The following ZNF469 variants were observed in gnomAD, a reference collection of about 807,000 sequenced individuals.
The protein encoded by ZNF469 is zinc finger protein 469.
In ZNF469, 1 loss-of-function variant was observed where a neutral mutation model predicts 1.0. That is an observed-to-expected ratio of 1.00 (90% CI 0.35 to 4.73). The LOEUF (loss-of-function observed/expected upper bound fraction) is 4.73, where lower values mean the gene tolerates loss of function less well. ZNF469 is among the 30% of genes most tolerant of loss of function. ZNF469 has a pLI of 0.16. For synonymous variants in ZNF469, 2,703 were observed against 2,363.4 expected (o/e 1.14, Z -4.17); for missense variants, 6,100 against 5,356.3 (o/e 1.14, Z -4.33).
At chr16:88,198,599 G>A in the ZNF469 span, among the ~76,000 whole-genome samples, 2 of 152,224 alleles carry the variant, frequency 1.3e-5, no homozygotes, top group African/African-American at 2.4e-5. Flanking sequence ...CAGTGACAGG[G>A]CAGGCCCACC....
Position 88,438,967 on chromosome 16 carries a change from A to G in ZNF469, c.11497A>G (p.Ser3833Gly). The change falls in exon 3 of 3, where the codon AGC becomes GGC. Residue 3833 changes from serine to glycine, a missense_variant. Physicochemically the swap from Ser to Gly is moderately conservative, Grantham distance 56. Transcript: ENST00000565624. Reference protein sequence around the residue: ...PGPARSESVGSFGRAPSAPDK... With the variant: ...PGPARSESVGGFGRAPSAPDK... ...GCCAGCCAGGAGTGAAAGTGTGGGG[A>G]GCTTCGGGAGAGCCCCCTCAGCCCC... 6.4e-7 allele frequency: 1 copy of G among 1,550,466 alleles called. No individual in the cohort carries two copies. Among genetic ancestry groups the G allele is most frequent in the East Asian group, 2.4e-5 (1 of 40,910 alleles).
the ZNF469 span, among the ~76,000 whole-genome samples, chr16:88,184,484 C>T: frequency 6.6e-6 from 1 of 151,824 alleles, no homozygotes; most frequent in African/African-American, 2.4e-5. Flanking sequence ...TTCCTCTGCT[C>T]CTGGCGTTCG....
the ZNF469 span, among the ~76,000 whole-genome samples, chr16:88,357,629 G>A: frequency 6.6e-6 from 1 of 152,214 alleles, no homozygotes; most frequent in Non-Finnish European, 1.5e-5. Flanking sequence ...GGGGAAGAGG[G>A]GGGGCCCGGG....
At chr16:88,132,399 C>T in the ZNF469 span, among the ~76,000 whole-genome samples, 1 of 152,250 alleles carries the variant, frequency 6.6e-6, no homozygotes, top group African/African-American at 2.4e-5. Flanking sequence ...CCTGGGTGCT[C>T]AGCCCACCCA....
At chr16:88,179,900 G>T in the ZNF469 span, among the ~76,000 whole-genome samples, 1 of 152,218 alleles carries the variant, frequency 6.6e-6, no homozygotes, top group Non-Finnish European at 1.5e-5. Context: ...TTGCTGTCAG[G>T]TTACTACATG....
At chr16:88,120,084 A>G in the ZNF469 span, among the ~76,000 whole-genome samples, 1 of 152,068 alleles carries the variant, frequency 6.6e-6, no homozygotes, top group East Asian at 1.9e-4. Context: ...CACCGGGTAG[A>G]GTGTGCTGAG....
chr16:88,326,878 CAG>C, the ZNF469 span, among the ~76,000 whole-genome samples: 1 of 152,216 alleles, frequency 6.6e-6, no homozygotes, highest in Non-Finnish European at 1.5e-5. Flanking sequence ...GAAAACTGGG[CAG>C]AGTACCCAAT....
At chr16:88,174,623 T>C in the ZNF469 span, among the ~76,000 whole-genome samples, 1 of 148,864 alleles carries the variant, frequency 6.7e-6, no homozygotes, top group Non-Finnish European at 1.5e-5. Context: ...ATTAGTCCCC[T>C]CTTCTTCCTC....
chr16:88,286,329 C>T, the ZNF469 span, among the ~76,000 whole-genome samples: 3,528 of 152,348 alleles, frequency 0.023, 129 homozygotes, highest in African/African-American at 0.078. Context: ...GGGAGAGCCA[C>T]GGCCTGGCTG....
the ZNF469 span, among the ~76,000 whole-genome samples, chr16:88,332,003 C>A: frequency 6.6e-6 from 1 of 152,228 alleles, no homozygotes; most frequent in African/African-American, 2.4e-5. Flanking sequence ...GTGCCAAGAG[C>A]AGAGCTGGGT....
Position 88,434,305 on chromosome 16 carries a change from C to T in ZNF469, c.6835C>T (p.Pro2279Ser), listed in dbSNP as rs1049209919. The T allele has an allele frequency of 3.3e-5, 51 of 1,550,262 alleles. No individual in the cohort carries two copies. Among genetic ancestry groups the T allele is most frequent in the Non-Finnish European group, 4.1e-5 (47 of 1,146,980 alleles). ...TSPPLAGAVSPSVAVRATGLS... is the reference protein window; with the variant it reads ...TSPPLAGAVSSSVAVRATGLS... ...TCCTCCTCTGGCAGGGGCCGTCTCC[C>T]CCAGCGTGGCCGTCAGGGCTACTGG... The change falls in exon 3 of 3, where the codon CCC (proline) becomes TCC (serine). Residue 2279 changes from proline (P) to serine (S), a missense_variant. Pro to Ser is a moderately conservative substitution (Grantham distance 74, BLOSUM62 -1). Coordinates refer to ENST00000565624, the MANE Select transcript of ZNF469 (RefSeq NM_001367624.2).
At chr16:88,131,825 T>TG in the ZNF469 span, among the ~76,000 whole-genome samples, 1 of 152,204 alleles carries the variant, frequency 6.6e-6, no homozygotes, top group Non-Finnish European at 1.5e-5. Context: ...GGCTGTGCTT[T>TG]GGGGTCAGCT....
At chr16:88,156,850 A>G in the ZNF469 span, among the ~76,000 whole-genome samples, 3 of 152,032 alleles carry the variant, frequency 2.0e-5, no homozygotes, top group African/African-American at 7.2e-5. Context: ...TGCCATGCCA[A>G]CAACAGCCTG....
At chr16:88,325,373 C>T in the ZNF469 span, among the ~76,000 whole-genome samples, 1 of 152,366 alleles carries the variant, frequency 6.6e-6, no homozygotes, top group African/African-American at 2.4e-5. Context: ...GGGCAACCAT[C>T]AGGGTCACAG....
chr16:88,411,493 CGGGCAGG>C (rs1905164423), intron 1 of ZNF469, among the ~76,000 whole-genome samples: 1 of 6,670 alleles, frequency 1.5e-4, no homozygotes, highest in Non-Finnish European at 7.6e-4. Context: ...GGGGTGCGAG[CGGGCAGG>C]GGTGCAAGCA....
At chr16:88,248,843 G>C in the ZNF469 span, among the ~76,000 whole-genome samples, 1 of 152,142 alleles carries the variant, frequency 6.6e-6, no homozygotes, top group Non-Finnish European at 1.5e-5. Flanking sequence ...TGAGGCAGGT[G>C]CCCTTTCTCC....
At chr16:88,369,350 A>G in the ZNF469 span, among the ~76,000 whole-genome samples, 1 of 152,196 alleles carries the variant, frequency 6.6e-6, no homozygotes, top group Non-Finnish European at 1.5e-5. Flanking sequence ...TTGGGACTAA[A>G]GCCCCATTGC....
In ZNF469 at chr16:88,429,732, C is replaced by G. The variant is rs1375672646; in HGVS notation, c.2262C>G (p.Gly754=). 3 of 1,544,644 alleles carry G rather than the reference C, an allele frequency of 1.9e-6. No homozygotes were observed. Among genetic ancestry groups the G allele is most frequent in the South Asian group, 2.4e-5 (2 of 83,960 alleles). Residue 754 remains glycine, a synonymous_variant, in exon 3 of 3, where the codon GGC becomes GGG. Transcript: ENST00000565624. The part of the protein sequence containing the change: ...AAFLAHRQFC[G]LLLARAKDGH... ...TCCTGGCCCACCGGCAGTTCTGTGG[C>G]CTGCTCCTGGCCAGGGCCAAGGATG... is the stretch of plus-strand genomic sequence containing the variant.
At chr16:88,102,034 G>A in the ZNF469 span, among the ~76,000 whole-genome samples, 3 of 151,898 alleles carry the variant, frequency 2.0e-5, no homozygotes, top group Middle Eastern at 3.2e-3. Context: ...GCGACAGGCC[G>A]GCCTCAGAAG....
Sources: allele counts gnomAD v4.1 joint callset (sites outside exome capture counted in the v4.1 genomes callset), GRCh38; gene constraint gnomAD v4.1.1; transcripts MANE v1.5; gene names NCBI Gene and HGNC (gene_info 2026-07-23, HGNC 2026-07-21).